Variants in DTNA observed in about 807,000 individuals in gnomAD.
DTNA encodes dystrophin-related protein 3.
A neutral mutation model predicts 100.7 loss-of-function variants in DTNA; 43 were observed. That is an observed-to-expected ratio of 0.43 (90% confidence interval 0.33 to 0.55). The LOEUF (loss-of-function observed/expected upper bound fraction) is 0.55, where lower values mean the gene tolerates loss of function less well. Ranked by LOEUF, DTNA falls within the 20% of genes least tolerant of loss-of-function variation. DTNA has a pLI of 0.04. For missense variants in DTNA, 798 were observed against 953.9 expected (o/e 0.84, Z 2.15); for synonymous variants, 349 against 347.9 (o/e 1.00, Z -0.04).
chr18:34,617,943 G>A (rs1396152114), intron 1 of DTNA, among the ~76,000 whole-genome samples: 1 of 152,120 alleles, frequency 6.6e-6, no homozygotes, highest in African/African-American at 2.4e-5. Context: ...ATACCTGTAT[G>A]CACATTTTTA....
chr18:34,799,769 C>T (rs527777253), intron 4 of DTNA, among the ~76,000 whole-genome samples: 2 of 152,182 alleles, frequency 1.3e-5, no homozygotes, highest in Non-Finnish European at 2.9e-5. Context: ...CCTAATGTCA[C>T]TCGTTGTTTA....
intron 1 of DTNA, among the ~76,000 whole-genome samples, chr18:34,753,787 T>G (rs1045133298): frequency 3.3e-5 from 5 of 152,212 alleles, no homozygotes; most frequent in Non-Finnish European, 7.3e-5. Flanking sequence ...AGTCTACTTC[T>G]GAGCCCTTGA....
chr18:34,810,499 G>C (rs1373099933), intron 5 of DTNA, among the ~76,000 whole-genome samples: 1 of 151,738 alleles, frequency 6.6e-6, no homozygotes, highest in Non-Finnish European at 1.5e-5. Flanking sequence ...TGAACTCATG[G>C]AAGTAGAATT....
chr18:34,658,178 A>G (rs1202842164), intron 1 of DTNA, among the ~76,000 whole-genome samples: 1 of 152,194 alleles, frequency 6.6e-6, no homozygotes, highest in East Asian at 1.9e-4. Flanking sequence ...TATAGGAGAA[A>G]GGCTACTAGG....
chr18:34,616,112 G>T (rs2055229329), intron 1 of DTNA, among the ~76,000 whole-genome samples: 2 of 152,152 alleles, frequency 1.3e-5, no homozygotes, highest in South Asian at 4.1e-4. Context: ...CCAATAATGG[G>T]ATTGCTGGAT....
At chr18:34,758,104 G>C (rs938299596) in intron 2 of DTNA, among the ~76,000 whole-genome samples, 2 of 152,136 alleles carry the variant, frequency 1.3e-5, no homozygotes, top group Non-Finnish European at 2.9e-5. Context: ...ATATCACTGC[G>C]AATGTGTTAA....
chr18:34,737,589 G>A (rs757069545), intron 1 of DTNA, among the ~76,000 whole-genome samples: 1 of 152,166 alleles, frequency 6.6e-6, no homozygotes, highest in Non-Finnish European at 1.5e-5. Flanking sequence ...AGGCCTCGAT[G>A]TGTGAATTCT....
At position 34,732,919 on chromosome 18, in the gene DTNA, G is replaced by A. The variant is rs954460999; in HGVS notation, c.-2+22474G>A. On this transcript the variant is annotated intron_variant, in intron 1 of 22. Coordinates refer to ENST00000444659, the MANE Select transcript of DTNA (RefSeq NM_001386795.1). ...GGGGAAATGACCACAGGATGAGTCCGGGGATCCTCTGGACTCACTGTAAGT... is the reference window on the plus strand; with the variant it reads ...GGGGAAATGACCACAGGATGAGTCCAGGGATCCTCTGGACTCACTGTAAGT... Among the ~76,000 whole-genome samples, 4 of 152,140 alleles carry A rather than the reference G, an allele frequency of 2.6e-5. No homozygotes were observed. In the South Asian group the frequency reaches 6.2e-4, roughly 24 times the overall value.
intron 1 of DTNA, among the ~76,000 whole-genome samples, chr18:34,712,611 T>G (rs1313316342): frequency 6.6e-6 from 1 of 152,156 alleles, no homozygotes; most frequent in African/African-American, 2.4e-5. Context: ...GTTTTGGTAT[T>G]TTCATTCTTA....
At chr18:34,591,463 A>C (rs921755782) in intron 1 of DTNA, among the ~76,000 whole-genome samples, 1 of 152,158 alleles carries the variant, frequency 6.6e-6, no homozygotes, top group African/African-American at 2.4e-5. Context: ...GCTAGTGCTC[A>C]CTCTGAGATA....
chr18:34,548,088 G>T (rs946995300), intron 1 of DTNA, among the ~76,000 whole-genome samples: 3 of 152,244 alleles, frequency 2.0e-5, no homozygotes, highest in Admixed American at 6.5e-5. Context: ...GTTTCTTGAG[G>T]CTTAGGAGAT....
At chr18:34,804,502 C>G (rs1413698885) in intron 4 of DTNA, among the ~76,000 whole-genome samples, 2 of 152,148 alleles carry the variant, frequency 1.3e-5, no homozygotes, top group Non-Finnish European at 2.9e-5. Flanking sequence ...ATACAGGTAA[C>G]AAGTCTAGCT....
intron 19 of DTNA, among the ~76,000 whole-genome samples, chr18:34,879,206 T>C (rs189523494): frequency 1.3e-3 from 201 of 152,356 alleles, no homozygotes; most frequent in Non-Finnish European, 2.4e-3. Context: ...TTTTAACTCA[T>C]AGTTCTTAAA....
intron 1 of DTNA, among the ~76,000 whole-genome samples, chr18:34,663,480 T>G (rs1244246671): frequency 6.6e-6 from 1 of 152,176 alleles, no homozygotes; most frequent in Non-Finnish European, 1.5e-5. Context: ...CTTTTAATAG[T>G]GCAAGGAAAT....
intron 1 of DTNA, among the ~76,000 whole-genome samples, chr18:34,739,758 A>G (rs1020520017): frequency 6.6e-6 from 1 of 152,224 alleles, no homozygotes; most frequent in South Asian, 2.1e-4. Flanking sequence ...TTGCTGTTTC[A>G]CTAGGCAGCC....
chr18:34,725,599 CAG>C (rs1461380948), intron 1 of DTNA, among the ~76,000 whole-genome samples: 1 of 152,152 alleles, frequency 6.6e-6, no homozygotes, highest in Admixed American at 6.5e-5. Flanking sequence ...CAGGAAAAAA[CAG>C]ATGCTGGAGA....
intron 1 of DTNA, among the ~76,000 whole-genome samples, chr18:34,610,648 G>A (rs575832014): frequency 6.6e-6 from 1 of 152,204 alleles, no homozygotes; most frequent in Non-Finnish European, 1.5e-5. Context: ...TAAGAAAACT[G>A]TGATAAATCC....
intron 1 of DTNA, among the ~76,000 whole-genome samples, chr18:34,619,074 G>T (rs2055925532): frequency 6.6e-6 from 1 of 152,192 alleles, no homozygotes; most frequent in East Asian, 1.9e-4. Flanking sequence ...CATGCAATAT[G>T]AGTGCAAAAT....
At chr18:34,664,343 C>G (rs1337754989) in intron 1 of DTNA, among the ~76,000 whole-genome samples, 3 of 151,932 alleles carry the variant, frequency 2.0e-5, no homozygotes, top group Non-Finnish European at 2.9e-5. Context: ...TTATTTATGT[C>G]ACATGTAATG....
Sources: allele counts gnomAD v4.1 joint callset (sites outside exome capture counted in the v4.1 genomes callset), GRCh38; gene constraint gnomAD v4.1.1; transcripts MANE v1.5; gene names NCBI Gene and HGNC (gene_info 2026-07-23, HGNC 2026-07-21).